The following CSNK1G1 variants were observed in gnomAD, a reference collection of about 807,000 sequenced individuals.
CSNK1G1 encodes the protein casein kinase 1 gamma 1, also known as casein kinase I isoform gamma-1.
Under a neutral mutation model 59.6 loss-of-function variants are expected in CSNK1G1, and 22 were observed. That is an observed-to-expected ratio of 0.37 (90% CI 0.26 to 0.53). The LOEUF is 0.53. CSNK1G1 is among the 20% of genes least tolerant of loss of function. The pLI is 0.89. For missense variants in CSNK1G1, 384 were observed against 519.5 expected (o/e 0.74, Z 2.54); for synonymous variants, 179 against 177.1 (o/e 1.01, Z -0.08).
At chr15:64,255,283 G>T (rs2140324532) in intron 3 of CSNK1G1, among the ~76,000 whole-genome samples, 1 of 148,378 alleles carries the variant, frequency 6.7e-6, no homozygotes, top group African/African-American at 2.6e-5. Context: ...TACCATATTG[G>T]CCAGGCTGGT....
chr15:64,314,024 T>C (rs1441627499), intron 1 of CSNK1G1, among the ~76,000 whole-genome samples: 1 of 152,064 alleles, frequency 6.6e-6, no homozygotes, highest in African/African-American at 2.4e-5. Context: ...AACACATGAA[T>C]TAAAAAAACA....
chr15:64,338,220 CAATA>C (rs1897491586), intron 1 of CSNK1G1, among the ~76,000 whole-genome samples: 1 of 152,120 alleles, frequency 6.6e-6, no homozygotes, highest in Non-Finnish European at 1.5e-5. Context: ...TTCCCACCAG[CAATA>C]AATAGAGTTC....
rs866398363 is a variant in CSNK1G1, at chr15:64,281,735, G to A, written c.181+18584C>T. Among the ~76,000 whole-genome samples, 11 of 151,886 alleles carry A rather than the reference G, an allele frequency of 7.2e-5. No individual in the cohort carries two copies. The South Asian group carries it at 2.3e-3, about 32-fold the overall frequency. ...AGCGCCTGTAATCTCTGCTACTCAG[G>A]AGGCTGAGGCAGGAGAATTACTTGA... is the stretch of plus-strand genomic sequence containing the variant. On this transcript the variant is annotated intron_variant, in intron 2 of 11. Coordinates refer to ENST00000303052, the MANE Select transcript of CSNK1G1 (RefSeq NM_022048.5).
chr15:64,303,801 C>T (rs1895503961), intron 1 of CSNK1G1, among the ~76,000 whole-genome samples: 1 of 151,116 alleles, frequency 6.6e-6, no homozygotes, highest in Non-Finnish European at 1.5e-5. Flanking sequence ...ACCTGTGGTC[C>T]CAGTGACTTG....
chr15:64,322,687 G>A (rs926195141), intron 1 of CSNK1G1, among the ~76,000 whole-genome samples: 7 of 152,008 alleles, frequency 4.6e-5, no homozygotes, highest in Admixed American at 3.3e-4. Context: ...ACAAAAATTA[G>A]CCAGACATGG....
chr15:64,177,330 C>T (rs1256966420), intron 11 of CSNK1G1, among the ~76,000 whole-genome samples: 2 of 152,166 alleles, frequency 1.3e-5, no homozygotes, highest in African/African-American at 4.8e-5. Context: ...TGGAACACCT[C>T]GTGCTTCTCT....
chr15:64,281,924 GTTT>G (rs753555945), intron 2 of CSNK1G1, among the ~76,000 whole-genome samples: 5 of 142,974 alleles, frequency 3.5e-5, no homozygotes, highest in Non-Finnish European at 7.7e-5. Context: ...ATTTTATGGA[GTTT>G]TTTTTTTTTT....
intron 6 of CSNK1G1, among the ~76,000 whole-genome samples, 166 bp from the exon 7 acceptor site, chr15:64,207,760 G>A (rs144528532): frequency 1.6e-4 from 24 of 152,220 alleles, no homozygotes; most frequent in African/African-American, 5.1e-4. Flanking sequence ...ACCCTAAACC[G>A]ATGTGTACTT....
At chr15:64,183,335 T>C (rs1266971533) in intron 10 of CSNK1G1, among the ~76,000 whole-genome samples, 1 of 152,222 alleles carries the variant, frequency 6.6e-6, no homozygotes, top group East Asian at 1.9e-4. Flanking sequence ...TGGTCTCAAA[T>C]GAATGAGACA....
At chr15:64,189,230 T>C (rs931828030) in intron 10 of CSNK1G1, 3 of 514,494 alleles carry the variant, frequency 5.8e-6, no homozygotes, top group African/African-American at 4.1e-5. Context: ...CTTATTAATA[T>C]GATACTATGA....
intron 4 of CSNK1G1, among the ~76,000 whole-genome samples, chr15:64,225,468 G>A (rs2082447489): frequency 6.6e-6 from 1 of 152,086 alleles, no homozygotes; most frequent in Admixed American, 6.6e-5. Context: ...CTGCATATAT[G>A]CCATAGGTGA....
rs1021840648 is a variant in CSNK1G1 at position 64,188,781 on chromosome 15, T to C, written c.1108-8327A>G. ...ACACACAGTCAAAGCTGGGATCATCTTTTAGTTTCCATAGAGGTAAAATTT... is the reference window on the plus strand; with the variant it reads ...ACACACAGTCAAAGCTGGGATCATCCTTTAGTTTCCATAGAGGTAAAATTT... On this transcript the variant is annotated intron_variant, in intron 10 of 11. Coordinates refer to ENST00000303052, the MANE Select transcript of CSNK1G1 (RefSeq NM_022048.5). This position sits in a 1 kb window ranked among gnomAD's most constrained non-coding sequence, Gnocchi z 4.2. 2.0e-5 allele frequency among the ~76,000 whole-genome samples: 3 copies of C among 152,194 alleles called. No homozygotes were observed. Among genetic ancestry groups the C allele is most frequent in the Non-Finnish European group, 2.9e-5 (2 of 68,032 alleles).
chr15:64,195,825 G>A (rs917637261), intron 10 of CSNK1G1, among the ~76,000 whole-genome samples: 5 of 152,188 alleles, frequency 3.3e-5, no homozygotes, highest in Non-Finnish European at 7.3e-5. Flanking sequence ...ATGATGGAAA[G>A]ACTAACTCAA....
At chr15:64,202,339 G>A (rs2082119362) in intron 10 of CSNK1G1, among the ~76,000 whole-genome samples, 1 of 152,098 alleles carries the variant, frequency 6.6e-6, no homozygotes. Flanking sequence ...CCAGACTACA[G>A]ATGAGACCCA....
chr15:64,206,164 G>A (rs2082177050), intron 7 of CSNK1G1, among the ~76,000 whole-genome samples: 1 of 152,122 alleles, frequency 6.6e-6, no homozygotes, highest in African/African-American at 2.4e-5. Context: ...AAAATTGGCT[G>A]GGTGCAGTGG....
At chr15:64,285,250 A>G (rs576300672) in intron 2 of CSNK1G1, among the ~76,000 whole-genome samples, 1 of 152,248 alleles carries the variant, frequency 6.6e-6, no homozygotes, top group East Asian at 1.9e-4. Flanking sequence ...CCACATAGCA[A>G]TGTAGTTAAT....
At chr15:64,279,979 A>G (rs1894033023) in intron 2 of CSNK1G1, among the ~76,000 whole-genome samples, 1 of 151,962 alleles carries the variant, frequency 6.6e-6, no homozygotes, top group Non-Finnish European at 1.5e-5. Flanking sequence ...CTCAAAAAAA[A>G]AAAAAACAAA....
chr15:64,278,010 T>G (rs867828723), intron 2 of CSNK1G1, among the ~76,000 whole-genome samples: 2 of 144,920 alleles, frequency 1.4e-5, no homozygotes, highest in African/African-American at 2.6e-5. Flanking sequence ...TATTGATATA[T>G]TTGAATAATA....
intron 1 of CSNK1G1, among the ~76,000 whole-genome samples, chr15:64,345,850 G>A (rs1215882504): frequency 2.0e-5 from 3 of 152,046 alleles, no homozygotes; most frequent in African/African-American, 4.8e-5. Flanking sequence ...GGAGTGCAGT[G>A]GCACAATCTC....
Sources: gnomAD v4.1 joint callset for allele counts (sites outside exome capture counted in the v4.1 genomes callset) on GRCh38, gnomAD v4.1.1 for gene constraint, Gnocchi (gnomAD v3.1) non-coding constraint, MANE v1.5 for transcripts, NCBI Gene and HGNC (gene_info 2026-07-23, HGNC 2026-07-21) for gene names.